Variants in NTM observed in about 807,000 individuals in gnomAD.
NTM encodes IgLON family member 2.
Under a neutral mutation model 42.1 loss-of-function variants are expected in NTM, and 13 were observed. The observed-to-expected ratio is 0.31, with a 90% CI of 0.20 to 0.49. The LOEUF (loss-of-function observed/expected upper bound fraction) is 0.49. Ranked by LOEUF, NTM falls within the 20% of genes least tolerant of loss-of-function variation. The pLI is 0.99. For synonymous variants in NTM, 187 were observed against 179.2 expected (o/e 1.04, Z -0.35); for missense variants, 373 against 452.8 (o/e 0.82, Z 1.60).
intron 1 of NTM, among the ~76,000 whole-genome samples, chr11:131,491,197 T>A (rs1954746790): frequency 6.6e-6 from 1 of 152,190 alleles, no homozygotes. Flanking sequence ...AGAAACTGTC[T>A]TGAGCTATCA....
chr11:131,918,031 C>T (rs374253714), intron 2 of NTM, among the ~76,000 whole-genome samples: 4 of 152,222 alleles, frequency 2.6e-5, no homozygotes, highest in African/African-American at 7.2e-5. Flanking sequence ...TGCAGAAAAA[C>T]GTCTCCTTTC....
intron 4 of NTM, among the ~76,000 whole-genome samples, chr11:132,239,939 T>G (rs1204221676): frequency 6.6e-6 from 1 of 152,120 alleles, no homozygotes; most frequent in Non-Finnish European, 1.5e-5. Flanking sequence ...CCTAGTTCAT[T>G]TATCCATCCA....
chr11:131,509,068 G>T (rs1291228336), intron 1 of NTM, among the ~76,000 whole-genome samples: 1 of 152,024 alleles, frequency 6.6e-6, no homozygotes, highest in African/African-American at 2.4e-5. Context: ...AAAGAAATTT[G>T]CTCAGTTAAT....
intron 2 of NTM, among the ~76,000 whole-genome samples, chr11:131,925,125 G>A (rs1173560078): frequency 3.9e-5 from 6 of 152,192 alleles, no homozygotes; most frequent in Admixed American, 1.3e-4. Context: ...AGGCAAATGA[G>A]CACATATCCA....
chr11:131,567,080 C>T lies in NTM; in HGVS notation c.82+196192C>T, dbSNP rs910362811. Reference sequence around the variant, plus strand: ...TGGGTGTAAGCTGGGGAGATGGGCACGTTTGGAAGCTCCCGTTCTATTTCA... The same window carrying T: ...TGGGTGTAAGCTGGGGAGATGGGCATGTTTGGAAGCTCCCGTTCTATTTCA... On this transcript the variant is annotated intron_variant, in intron 1 of 8. Transcript: ENST00000683400. Among the ~76,000 whole-genome samples the T allele has an allele frequency of 7.2e-5, 11 of 151,890 alleles. 1 individual carries two copies. Among genetic ancestry groups the T allele is most frequent in the South Asian group, 6.2e-4 (3 of 4,802 alleles).
intron 1 of NTM, among the ~76,000 whole-genome samples, chr11:131,598,424 C>T (rs2059998007): frequency 6.6e-6 from 1 of 152,192 alleles, no homozygotes; most frequent in South Asian, 2.1e-4. Context: ...CTACACTGTC[C>T]TTGTTATGTA....
At chr11:131,525,746 T>C (rs1029048458) in intron 1 of NTM, among the ~76,000 whole-genome samples, 1 of 152,192 alleles carries the variant, frequency 6.6e-6, no homozygotes, top group Non-Finnish European at 1.5e-5. Context: ...GTTTCCTAGA[T>C]GTATGAACTT....
intron 7 of NTM, among the ~76,000 whole-genome samples, chr11:132,322,062 C>A (rs185364555): frequency 2.2e-4 from 33 of 152,106 alleles, no homozygotes; most frequent in Admixed American, 1.7e-3. Context: ...TGGTACCATC[C>A]ACTGCAAAAA....
At chr11:131,661,120 A>G in intron 1 of NTM, 1 of 1,114,242 alleles carries the variant, frequency 9.0e-7, no homozygotes. Flanking sequence ...TTCGGTGGAG[A>G]TTCCTTTCCT....
At chr11:131,521,556 C>A (rs1380356004) in intron 1 of NTM, among the ~76,000 whole-genome samples, 1 of 151,164 alleles carries the variant, frequency 6.6e-6, no homozygotes, top group Non-Finnish European at 1.5e-5. Context: ...CTGCAAGGGC[C>A]CGAGGTGCCA....
intron 3 of NTM, among the ~76,000 whole-genome samples, chr11:132,207,800 G>A (rs141307957): frequency 0.015 from 2,258 of 152,208 alleles, 21 homozygotes; most frequent in Non-Finnish European, 0.024. Context: ...CTTAACTTAG[G>A]CATCACATAT....
intron 4 of NTM, among the ~76,000 whole-genome samples, chr11:132,266,585 A>T (rs2093197469): frequency 6.6e-6 from 1 of 152,234 alleles, no homozygotes; most frequent in East Asian, 1.9e-4. Context: ...GCATGATCTA[A>T]GTTTTAAAGA....
intron 1 of NTM, among the ~76,000 whole-genome samples, chr11:131,704,754 A>G (rs2076420109): frequency 6.6e-6 from 1 of 152,346 alleles, no homozygotes; most frequent in Middle Eastern, 3.4e-3. Context: ...ACGCATGAAC[A>G]AAATAATAAG....
intron 2 of NTM, among the ~76,000 whole-genome samples, chr11:131,921,019 C>T (rs2057146748): frequency 6.6e-6 from 1 of 152,156 alleles, no homozygotes; most frequent in African/African-American, 2.4e-5. Flanking sequence ...TCTAACCCTT[C>T]AGAAGCTATA....
chr11:132,135,803 C>T (rs2067794948), intron 2 of NTM, among the ~76,000 whole-genome samples: 1 of 152,186 alleles, frequency 6.6e-6, no homozygotes, highest in East Asian at 1.9e-4. Context: ...TTGTCCTGCA[C>T]AGGGAGAGAG....
At position 131,477,735 on chromosome 11, in the gene NTM, T is replaced by G. The variant is rs80266427; in HGVS notation, c.82+106847T>G. 8.1e-3 allele frequency among the ~76,000 whole-genome samples: 1,225 copies of G among 152,112 alleles called. 16 individuals are homozygous for G. The highest frequency in any genetic ancestry group is 0.028 in the African/African-American group (1,171 of 41,468). Reference sequence around the variant, plus strand: ...TATTTTCTAGATATCTATTCCCAGATGTATCAAAACTCCCTAAAATGCATG... The same window carrying G: ...TATTTTCTAGATATCTATTCCCAGAGGTATCAAAACTCCCTAAAATGCATG... On this transcript the variant is annotated intron_variant, in intron 1 of 8. Coordinates refer to ENST00000683400, the MANE Select transcript of NTM (RefSeq NM_001352005.2).
chr11:131,390,648 G>A (rs1017232952), intron 1 of NTM, among the ~76,000 whole-genome samples: 1 of 152,120 alleles, frequency 6.6e-6, no homozygotes, highest in African/African-American at 2.4e-5. Context: ...TGCAGGCCTG[G>A]GAAACAGTGG....
At position 131,373,702 on chromosome 11, in the gene NTM, C is replaced by T. The variant is rs1941540589; in HGVS notation, c.82+2814C>T. 2.6e-5 allele frequency among the ~76,000 whole-genome samples: 4 copies of T among 152,260 alleles called. No homozygotes were observed. In the South Asian group the frequency reaches 8.3e-4, roughly 32 times the overall value. On this transcript the variant is annotated intron_variant, in intron 1 of 8. Coordinates refer to ENST00000683400, the MANE Select transcript of NTM (RefSeq NM_001352005.2). ...CCTCTGAAAGGAATGGCTGCTTGTG[C>T]TGCAGCTTCCTCTTTCTAGAAAACC...
At chr11:131,817,310 T>G (rs1261166254) in intron 1 of NTM, among the ~76,000 whole-genome samples, 1 of 152,234 alleles carries the variant, frequency 6.6e-6, no homozygotes, top group Non-Finnish European at 1.5e-5. Flanking sequence ...GGCATATACC[T>G]GACATTTAAG....
Sources: allele counts gnomAD v4.1 joint callset (sites outside exome capture counted in the v4.1 genomes callset), GRCh38; gene constraint gnomAD v4.1.1; transcripts MANE v1.5; gene names NCBI Gene and HGNC (gene_info 2026-07-23, HGNC 2026-07-21).